The following AHI1 variants were observed in gnomAD, a reference collection of about 807,000 sequenced individuals.
The protein encoded by AHI1 is jouberin.
In AHI1, 123 loss-of-function variants were observed where a neutral mutation model predicts 149.3. The ratio of observed to expected loss-of-function variants is 0.82; its 90% CI spans 0.71 to 0.96. The LOEUF is 0.96. AHI1 is among the 40% of genes least tolerant of loss of function. AHI1 has a pLI of 0.00. For synonymous variants in AHI1, 475 were observed against 459.8 expected, an observed-to-expected ratio of 1.03 and a Z score of -0.42; for missense variants, 1,439 against 1,422.7, an observed-to-expected ratio of 1.01 and a Z score of -0.18.
At chr6:135,490,272 T>C in intron 5 of AHI1, 1 of 715,032 alleles carries the variant, frequency 1.4e-6, no homozygotes, top group Non-Finnish European at 2.6e-6. Flanking sequence ...GCACAAGCTA[T>C]TCAATATCTG....
At chr6:135,373,483 T>C (rs1185884965) in intron 23 of AHI1, among the ~76,000 whole-genome samples, 2 of 152,358 alleles carry the variant, frequency 1.3e-5, no homozygotes, top group Middle Eastern at 3.4e-3. Context: ...TGCGTGACTA[T>C]ACTTAAACAT....
intron 25 of AHI1, among the ~76,000 whole-genome samples, chr6:135,320,069 G>A (rs17064416): frequency 6.6e-6 from 1 of 152,258 alleles, no homozygotes; most frequent in African/African-American, 2.4e-5. Context: ...TTTTAGACTA[G>A]AATATGCTAC....
intron 26 of AHI1, among the ~76,000 whole-genome samples, chr6:135,304,085 G>A (rs138770213): frequency 2.7e-4 from 41 of 152,314 alleles, no homozygotes; most frequent in Middle Eastern, 6.8e-3. Flanking sequence ...CACTCAGGCT[G>A]GAGTGCAGTG....
intron 26 of AHI1, among the ~76,000 whole-genome samples, chr6:135,317,968 A>C (rs1317720459): frequency 6.6e-6 from 1 of 152,240 alleles, no homozygotes; most frequent in Non-Finnish European, 1.5e-5. Flanking sequence ...AAGTACTGCT[A>C]ACAACAGAAG....
chr6:135,425,925 A>C (rs1783853663), intron 20 of AHI1, among the ~76,000 whole-genome samples: 1 of 151,928 alleles, frequency 6.6e-6, no homozygotes, highest in Non-Finnish European at 1.5e-5. Context: ...AAGGCATAAA[A>C]AGCAAATTAG....
chr6:135,456,358 T>A (rs933533029), intron 9 of AHI1, among the ~76,000 whole-genome samples: 1 of 151,894 alleles, frequency 6.6e-6, no homozygotes. Context: ...CTGGGTAACA[T>A]GATGAAACCT....
chr6:135,378,130 C>T (rs1158425705), intron 23 of AHI1, among the ~76,000 whole-genome samples: 3 of 152,096 alleles, frequency 2.0e-5, no homozygotes, highest in Non-Finnish European at 4.4e-5. Context: ...TGGGGCCATT[C>T]TGCATGTATT....
intron 24 of AHI1, among the ~76,000 whole-genome samples, chr6:135,336,940 C>T (rs1427512158): frequency 2.0e-5 from 3 of 152,114 alleles, no homozygotes; most frequent in African/African-American, 7.2e-5. Context: ...ATAACTACCC[C>T]ATTTAGTATT....
chr6:135,328,197 G>C (rs1787998860), intron 24 of AHI1, among the ~76,000 whole-genome samples: 1 of 152,194 alleles, frequency 6.6e-6, no homozygotes, highest in African/African-American at 2.4e-5. Context: ...GCTGGTCATG[G>C]AAGTCTTCTG....
At chr6:135,428,584 C>A in intron 19 of AHI1, 45 bp downstream of exon 19, 1 of 1,568,316 alleles carries the variant, frequency 6.4e-7, no homozygotes, top group Non-Finnish European at 8.6e-7. Flanking sequence ...TTCTTCAAAC[C>A]CCTGTACCTC....
intron 5 of AHI1, among the ~76,000 whole-genome samples, chr6:135,486,410 C>G (rs1794480790): frequency 6.6e-6 from 1 of 152,120 alleles, no homozygotes. Context: ...ATCCTATTTC[C>G]AATTAAAATA....
At chr6:135,488,914 G>T (rs1426977585) in intron 5 of AHI1, among the ~76,000 whole-genome samples, 1 of 152,110 alleles carries the variant, frequency 6.6e-6, no homozygotes, top group Non-Finnish European at 1.5e-5. Flanking sequence ...CATTTACTAT[G>T]TAACTTTCAG....
intron 3 of AHI1, among the ~76,000 whole-genome samples, chr6:135,493,540 T>C (rs1287506422): frequency 6.6e-6 from 1 of 152,152 alleles, no homozygotes; most frequent in African/African-American, 2.4e-5. Flanking sequence ...CAGTTATAAA[T>C]TTAATAAATC....
At position 135,387,999 on chromosome 6, in the gene AHI1, TAA is replaced by T. The variant is rs1341856844; in HGVS notation, c.3109+6775_3109+6776del. ...CCTGAGTCTAGTGCTTTTTCCACCA[TAA>T]TATACATGTGTTGAATTCAGCAAAG... On this transcript the variant is annotated intron_variant, in intron 23 of 28. Transcript: ENST00000265602. 2.4e-5 allele frequency: 38 copies of T among 1,613,638 alleles called. No individual in the cohort carries two copies. The Admixed American group carries it at 6.0e-4, about 25-fold the overall frequency.
chr6:135,391,237 T>C (rs547795413), intron 23 of AHI1, among the ~76,000 whole-genome samples: 2 of 152,228 alleles, frequency 1.3e-5, no homozygotes, highest in South Asian at 4.1e-4. Flanking sequence ...ATTCATTCCT[T>C]GGATAATTCT....
At chr6:135,340,654 C>CAT (rs1290327693) in intron 24 of AHI1, among the ~76,000 whole-genome samples, 5,918 of 57,786 alleles carry the variant, frequency 0.1, 478 homozygotes, top group Non-Finnish European at 0.16. Flanking sequence ...TATATACATA[C>CAT]ATACATATAT....
chr6:135,315,794 C>T (rs1314337183), intron 26 of AHI1, among the ~76,000 whole-genome samples: 2 of 152,176 alleles, frequency 1.3e-5, no homozygotes, highest in African/African-American at 4.8e-5. Flanking sequence ...TCCTTTGCCA[C>T]TCGCATTAGA....
Position 135,465,947 on chromosome 6 carries a change from T to C in AHI1, c.616A>G (p.Arg206Gly). The stretch of plus-strand genomic sequence containing the variant: ...TCTTTCAGTTTCTTTCTTATTTTCC[T>C]CTTAATCTCCTTTGCCATTTCTTCA... ...VTEEMAKEIK[R>G]KIRKKLKEQL... The change falls in exon 7 of 29, where the codon AGG becomes GGG. Residue 206 changes from arginine to glycine, a missense_variant. By Grantham distance (125) the Arg-to-Gly change is moderately radical (BLOSUM62 -2). Transcript: ENST00000265602. 1 of 1,610,238 alleles carries C rather than the reference T, an allele frequency of 6.2e-7. No homozygotes were observed. Among genetic ancestry groups the C allele is most frequent in the Non-Finnish European group, 8.5e-7 (1 of 1,178,866 alleles).
At chr6:135,474,687 T>C (rs1215197051) in intron 5 of AHI1, 1 of 152,216 alleles carries the variant, frequency 6.6e-6, no homozygotes, top group African/African-American at 2.4e-5. Context: ...GATCTCATGG[T>C]TTTCTAATTC....
Sources: allele counts gnomAD v4.1 joint callset (sites outside exome capture counted in the v4.1 genomes callset), GRCh38; gene constraint gnomAD v4.1.1; transcripts MANE v1.5; gene names NCBI Gene and HGNC (gene_info 2026-07-23, HGNC 2026-07-21).